MIPOL1: variants seen among roughly 807,000 people sequenced by gnomAD.
MIPOL1 encodes the protein mirror-image polydactyly gene 1 protein.
In MIPOL1, 57 loss-of-function variants were observed where a neutral mutation model predicts 60.9. That is an observed-to-expected ratio of 0.94 (90% CI 0.76 to 1.17). The LOEUF is 1.17. MIPOL1 is among the 50% of genes most tolerant of loss of function. The pLI is 0.00. For synonymous variants in MIPOL1, 179 were observed against 168.8 expected, an observed-to-expected ratio of 1.06 and a Z score of -0.47; for missense variants, 551 against 511.6, an observed-to-expected ratio of 1.08 and a Z score of -0.74.
At chr14:37,280,387 A>G (rs61988340) in intron 6 of MIPOL1, among the ~76,000 whole-genome samples, 33,432 of 152,114 alleles carry the variant, frequency 0.22, 4,150 homozygotes, top group South Asian at 0.36. Flanking sequence ...TTTTTTGTGG[A>G]ACCTCATACC....
At chr14:37,394,863 T>C (rs1347287777) in intron 10 of MIPOL1, among the ~76,000 whole-genome samples, 1 of 152,178 alleles carries the variant, frequency 6.6e-6, no homozygotes, top group Non-Finnish European at 1.5e-5. Flanking sequence ...TAAGGGTTTT[T>C]CTGATGTTAT....
At chr14:37,312,899 C>G (rs754120244) in intron 9 of MIPOL1, among the ~76,000 whole-genome samples, 1 of 152,072 alleles carries the variant, frequency 6.6e-6, no homozygotes, top group African/African-American at 2.4e-5. Context: ...TCACTATTCT[C>G]CTTTTCCAGG....
intron 3 of MIPOL1, among the ~76,000 whole-genome samples, chr14:37,259,539 T>G (rs763477701): frequency 6.6e-6 from 1 of 151,796 alleles, no homozygotes; most frequent in Non-Finnish European, 1.5e-5. Flanking sequence ...CTCACTCTAG[T>G]CTGAGTGACA....
intron 7 of MIPOL1, among the ~76,000 whole-genome samples, chr14:37,299,229 T>C (rs1242343527): frequency 3.4e-5 from 5 of 148,028 alleles, no homozygotes; most frequent in Non-Finnish European, 7.4e-5. Flanking sequence ...TTCTCACTCA[T>C]AGGTGAGAAT....
intron 10 of MIPOL1, among the ~76,000 whole-genome samples, chr14:37,374,553 A>G (rs1028471739): frequency 2.0e-5 from 3 of 152,052 alleles, no homozygotes; most frequent in East Asian, 1.9e-4. Context: ...TCTTGAGTTA[A>G]TTTTTGTATA....
intron 9 of MIPOL1, among the ~76,000 whole-genome samples, chr14:37,353,459 T>C (rs2091561163): frequency 6.6e-6 from 1 of 151,944 alleles, no homozygotes; most frequent in African/African-American, 2.4e-5. Context: ...TTCTATTGAT[T>C]GGAATAGTTT....
chr14:37,374,148 T>G (rs2092711633), intron 10 of MIPOL1, among the ~76,000 whole-genome samples: 1 of 152,216 alleles, frequency 6.6e-6, no homozygotes, highest in Non-Finnish European at 1.5e-5. Flanking sequence ...GATGAGCTTT[T>G]CTTCATATGT....
At chr14:37,351,298 C>T (rs1334636692) in intron 9 of MIPOL1, among the ~76,000 whole-genome samples, 1 of 143,254 alleles carries the variant, frequency 7.0e-6, no homozygotes, top group African/African-American at 2.6e-5. Flanking sequence ...TTTCTTAATC[C>T]AGTCTATCAT....
At chr14:37,254,569 C>G (rs2153367888) in intron 3 of MIPOL1, among the ~76,000 whole-genome samples, 1 of 151,934 alleles carries the variant, frequency 6.6e-6, no homozygotes, top group South Asian at 2.1e-4. Flanking sequence ...CAACCTCTGT[C>G]TCTGCCTATT....
chr14:37,245,375 C>A lies in MIPOL1; in HGVS notation c.-198-1728C>A, dbSNP rs766926407. ...ATTTAAGAGGATTTAAACACATTGG[C>A]ACATTAATTTTTACATGAATAATAA... On this transcript the variant is annotated intron_variant, in intron 1 of 12. Coordinates refer to ENST00000684589, the MANE Select transcript of MIPOL1 (RefSeq NM_001388067.1). Among the ~76,000 whole-genome samples the A allele has an allele frequency of 5.3e-4, 81 of 152,034 alleles. 1 individual carries two copies. Among genetic ancestry groups the A allele is most frequent in the Admixed American group, 4.8e-3 (73 of 15,262 alleles).
intron 9 of MIPOL1, among the ~76,000 whole-genome samples, chr14:37,326,049 T>G (rs572368303): frequency 6.6e-6 from 1 of 152,332 alleles, no homozygotes; most frequent in African/African-American, 2.4e-5. Context: ...GGGGTAAAAG[T>G]GAATGGAGTC....
At chr14:37,201,927 G>A (rs541557364) in intron 1 of MIPOL1, among the ~76,000 whole-genome samples, 14 of 152,194 alleles carry the variant, frequency 9.2e-5, no homozygotes, top group African/African-American at 2.4e-4. Context: ...CTTGACCTGG[G>A]GTCAAGCTGT....
intron 12 of MIPOL1, among the ~76,000 whole-genome samples, chr14:37,539,059 G>A (rs532051032): frequency 2.6e-5 from 4 of 152,106 alleles, no homozygotes; most frequent in African/African-American, 7.2e-5. Flanking sequence ...AAAATTAGCC[G>A]GGTGTGGTGG....
At chr14:37,446,206 T>A (rs1247931257) in intron 11 of MIPOL1, among the ~76,000 whole-genome samples, 2 of 152,038 alleles carry the variant, frequency 1.3e-5, no homozygotes, top group East Asian at 3.9e-4. Context: ...GAATCTACAA[T>A]GAACTCAAAC....
intron 11 of MIPOL1, among the ~76,000 whole-genome samples, chr14:37,471,542 G>GC (rs1290262790): frequency 6.6e-6 from 1 of 152,148 alleles, no homozygotes; most frequent in African/African-American, 2.4e-5. Context: ...CTGCTCCCTA[G>GC]CCAGAGCAAT....
chr14:37,281,398 G>A (rs1395759146), intron 6 of MIPOL1, among the ~76,000 whole-genome samples: 1 of 151,802 alleles, frequency 6.6e-6, no homozygotes, highest in Non-Finnish European at 1.5e-5. Context: ...CTGTTTTTTT[G>A]TTGTTTTGTT....
chr14:37,236,636 CTA>C (rs1332566847), intron 1 of MIPOL1, among the ~76,000 whole-genome samples: 1 of 151,926 alleles, frequency 6.6e-6, no homozygotes, highest in Non-Finnish European at 1.5e-5. Context: ...CGGGGTTTCT[CTA>C]TGTTGGGCAG....
chr14:37,530,084 A>G (rs1354863554), intron 12 of MIPOL1, among the ~76,000 whole-genome samples: 2 of 152,208 alleles, frequency 1.3e-5, no homozygotes, highest in African/African-American at 4.8e-5. Context: ...ATTTTAAGAT[A>G]GACAAACAAT....
chr14:37,250,978 T>C (rs922067306), intron 3 of MIPOL1, among the ~76,000 whole-genome samples: 3 of 152,124 alleles, frequency 2.0e-5, no homozygotes, highest in African/African-American at 7.2e-5. Context: ...GTTTTTGTCA[T>C]TGTAGACATT....
Sources: allele counts gnomAD v4.1 joint callset (sites outside exome capture counted in the v4.1 genomes callset), GRCh38; gene constraint gnomAD v4.1.1; transcripts MANE v1.5; gene names NCBI Gene and HGNC (gene_info 2026-07-23, HGNC 2026-07-21).